The following CENPF variants were observed in gnomAD, a reference collection of about 807,000 sequenced individuals.
CENPF encodes the protein AH antigen.
Under a neutral mutation model 307.3 loss-of-function variants are expected in CENPF, and 214 were observed. The ratio of observed to expected loss-of-function variants is 0.70; its 90% CI spans 0.62 to 0.78. The LOEUF (loss-of-function observed/expected upper bound fraction) is 0.78. Ranked by LOEUF, CENPF falls within the 30% of genes least tolerant of loss-of-function variation. CENPF has a pLI of 0.00. For missense variants in CENPF, 3,401 were observed against 3,483.9 expected, an observed-to-expected ratio of 0.98 and a Z score of 0.60; for synonymous variants, 1,259 against 1,270.6, an observed-to-expected ratio of 0.99 and a Z score of 0.19.
intron 3 of CENPF, among the ~76,000 whole-genome samples, chr1:214,617,251 T>G (rs558397650): frequency 6.6e-6 from 1 of 151,994 alleles, no homozygotes; most frequent in Non-Finnish European, 1.5e-5. Context: ...TTTCGCCAAG[T>G]TGGCCAGGCT....
intron 17 of CENPF, among the ~76,000 whole-genome samples, chr1:214,656,382 A>G (rs1408328343): frequency 1.3e-5 from 2 of 152,172 alleles, no homozygotes; most frequent in East Asian, 3.8e-4. Context: ...TAATACACCC[A>G]TGGCAGCTAC....
At position 214,651,832 on chromosome 1, in the gene CENPF, G is replaced by C. The variant is rs369254043; in HGVS notation, c.8106G>C (p.Arg2702=). 77 of 1,611,230 alleles carry C rather than the reference G, an allele frequency of 4.8e-5. No individual in the cohort carries two copies. Among genetic ancestry groups the C allele is most frequent in the Non-Finnish European group, 6.4e-5 (75 of 1,179,348 alleles). The part of the protein sequence containing the change: ...VREEIAEYQL[R]LHEAEKKHQA... The stretch of plus-strand genomic sequence containing the variant: ...AGGAAATAGCTGAATATCAGCTACG[G>C]CTTCATGAAGCTGAAAAGAAACACC... The change falls in exon 15 of 20, where the codon CGG becomes CGC. Residue 2702 remains arginine (R), a synonymous_variant. Transcript: ENST00000366955.
chr1:214,631,899 C>T lies in CENPF; in HGVS notation c.1324-581C>T, dbSNP rs186417596. On this transcript the variant is annotated intron_variant, in intron 9 of 19. Coordinates refer to ENST00000366955, the MANE Select transcript of CENPF (RefSeq NM_016343.4). ...CAAGAGAGGGCCTGTTTCCTCTCAT[C>T]CTTGCTAATTGGAGGTAGTCTCGGT... is the stretch of plus-strand genomic sequence containing the variant. Among the ~76,000 whole-genome samples, 280 of 152,322 alleles carry T rather than the reference C, an allele frequency of 1.8e-3. 1 individual carries two copies. The highest frequency in any genetic ancestry group is 6.1e-3 in the African/African-American group (252 of 41,580).
At chr1:214,618,006 CG>C (rs1657404960) in intron 3 of CENPF, among the ~76,000 whole-genome samples, 1 of 152,144 alleles carries the variant, frequency 6.6e-6, no homozygotes, top group African/African-American at 2.4e-5. Context: ...TTTTCTTTTC[CG>C]CTGGGAAACT....
Position 214,655,329 on chromosome 1 carries a change from A to T in CENPF, c.8411A>T (p.Gln2804Leu). Residue 2804 changes from glutamine (Q) to leucine (L), a missense_variant, in exon 17 of 20, where the codon CAG becomes CTG. Coordinates refer to ENST00000366955, the MANE Select transcript of CENPF (RefSeq NM_016343.4). The stretch of plus-strand genomic sequence containing the variant: ...AAGTTGTTGATCAAATCCTGTAAAC[A>T]GCTGGAAGAGGAAAAGGAGATACTG... ...KMKLLIKSCK[Q>L]LEEEKEILQK... 6.2e-7 allele frequency: 1 copy of T among 1,610,900 alleles called. No homozygotes were observed. The highest frequency in any genetic ancestry group is 1.7e-5 in the Admixed American group (1 of 59,662).
At chr1:214,608,561 C>T in intron 1 of CENPF, 4 of 1,609,414 alleles carry the variant, frequency 2.5e-6, no homozygotes, top group South Asian at 2.2e-5. Flanking sequence ...TTGCGGCGGG[C>T]GCTCTTGGTG....
Position 214,640,605 on chromosome 1 carries a change from T to G in CENPF, c.2267T>G (p.Leu756Trp). ...IMDKDRCYQD[L>W]HAEYESLRDL... ...GACAAAGACCGGTGTTACCAAGACT[T>G]GCATGCCGAATATGAGAGCCTCAGG... is the stretch of plus-strand genomic sequence containing the variant. Residue 756 changes from leucine to tryptophan, a missense_variant, in exon 12 of 20, where the codon TTG (leucine) becomes TGG (tryptophan). Leu to Trp is a moderately conservative substitution (Grantham distance 61). Transcript: ENST00000366955. 6.2e-7 allele frequency: 1 copy of G among 1,614,100 alleles called. No individual in the cohort carries two copies. Among genetic ancestry groups the G allele is most frequent in the Non-Finnish European group, 8.5e-7 (1 of 1,179,968 alleles).
Position 214,645,983 on chromosome 1 carries a change from T to C in CENPF, c.6413T>C (p.Ile2138Thr), listed in dbSNP as rs1658286076. Residue 2138 changes from isoleucine (I) to threonine (T), a missense_variant, in exon 13 of 20, where the codon ATC becomes ACC. Physicochemically the swap from Ile to Thr is moderately conservative, Grantham distance 89 (BLOSUM62 -1). Coordinates refer to ENST00000366955, the MANE Select transcript of CENPF (RefSeq NM_016343.4). The stretch of plus-strand genomic sequence containing the variant: ...GCCGATGAAAAGAAGCAGCTGCACA[T>C]CGCAGAGAAACTGAAAGAACGCGAG... ...IEADEKKQLH[I>T]AEKLKERERE... The C allele has an allele frequency of 1.2e-5, 20 of 1,614,088 alleles. No homozygotes were observed. Among genetic ancestry groups the C allele is most frequent in the Non-Finnish European group, 1.5e-5 (18 of 1,180,026 alleles).
chr1:214,605,441 GTTT>G, intron 1 of CENPF: 7 of 401,116 alleles, frequency 1.7e-5, no homozygotes, highest in South Asian at 9.5e-5. Context: ...AATCCGCTTT[GTTT>G]TTTTTTTTTT....
At chr1:214,639,845 C>CGG in intron 11 of CENPF, 76 bp from the exon 12 acceptor site, 1 of 915,638 alleles carries the variant, frequency 1.1e-6, no homozygotes, top group Non-Finnish European at 1.5e-6. Flanking sequence ...TGCCAGGGGG[C>CGG]GGGGGGAGGG....
intron 10 of CENPF, among the ~76,000 whole-genome samples, chr1:214,634,145 T>G (rs1249223132): frequency 4.6e-5 from 7 of 152,126 alleles, no homozygotes. Flanking sequence ...TGTACTGAGG[T>G]GCATGCATCA....
At chr1:214,613,649 A>G in intron 1 of CENPF, 65 bp from the exon 2 acceptor site, 9 of 1,212,982 alleles carry the variant, frequency 7.4e-6, no homozygotes, top group Non-Finnish European at 1.0e-5. Flanking sequence ...AGATAGATTC[A>G]TTAATTTCTG....
rs756126833 is a variant in CENPF, at chr1:214,645,880, G to T, written c.6310G>T (p.Ala2104Ser). The change falls in exon 13 of 20, where the codon GCA (alanine) becomes TCA (serine). Residue 2104 changes from alanine (A) to serine (S), a missense_variant. Physicochemically the swap from Ala to Ser is moderately conservative, Grantham distance 99. Coordinates refer to ENST00000366955, the MANE Select transcript of CENPF (RefSeq NM_016343.4). ...CGCACTGGTGGAGAAAGGTGAGTTC[G>T]CATTGAGGCTGAGCTCAACACAGGA... ...EAALVEKGEF[A>S]LRLSSTQEEV... 1.9e-6 allele frequency: 3 copies of T among 1,614,132 alleles called. No homozygotes were observed. Among genetic ancestry groups the T allele is most frequent in the East Asian group, 2.2e-5 (1 of 44,868 alleles).
At chr1:214,605,190 A>T (rs1296020073) in intron 1 of CENPF, among the ~76,000 whole-genome samples, 1 of 152,232 alleles carries the variant, frequency 6.6e-6, no homozygotes. Context: ...GATGTGGCTG[A>T]GAAGGAGGTA....
Position 214,647,201 on chromosome 1 carries a change from T to G in CENPF, c.7631T>G (p.Val2544Gly), listed in dbSNP as rs753952351. 49 of 1,613,914 alleles carry G rather than the reference T, an allele frequency of 3.0e-5. No individual in the cohort carries two copies. Among genetic ancestry groups the G allele is most frequent in the Admixed American group, 6.7e-5 (4 of 59,986 alleles). Residue 2544 changes from valine (V) to glycine (G), a missense_variant, in exon 13 of 20, where the codon GTG becomes GGG. By Grantham distance (109) the Val-to-Gly change is moderately radical (BLOSUM62 -3). Coordinates refer to ENST00000366955, the MANE Select transcript of CENPF (RefSeq NM_016343.4). Reference protein sequence around the residue: ...QEQLVSKLSQVEGEHQLWKEQ... With the variant: ...QEQLVSKLSQGEGEHQLWKEQ... ...CAGCTTGTCTCTAAACTGTCCCAGG[T>G]GGAAGGAGAGCACCAACTTTGGAAG...
At chr1:214,624,024 G>A (rs1013490369) in intron 7 of CENPF, among the ~76,000 whole-genome samples, 4 of 143,184 alleles carry the variant, frequency 2.8e-5, no homozygotes, top group Non-Finnish European at 6.3e-5. Flanking sequence ...TAAGATAATC[G>A]TAGATTCATA....
At chr1:214,621,994 G>C in intron 6 of CENPF, 85 bp from the exon 7 acceptor site, 1 of 1,105,624 alleles carries the variant, frequency 9.0e-7, no homozygotes, top group South Asian at 1.6e-5. Context: ...AAAGATTTCA[G>C]AAAAGAATAA....
chr1:214,645,341 A>G lies in CENPF; in HGVS notation c.5771A>G (p.Asp1924Gly). 6.2e-7 allele frequency: 1 copy of G among 1,614,178 alleles called. No individual in the cohort carries two copies. The highest frequency in any genetic ancestry group is 2.2e-5 in the East Asian group (1 of 44,874). ...IEHEALYLEADLEVVQTEKLC... is the reference protein window; with the variant it reads ...IEHEALYLEAGLEVVQTEKLC... ...CATGAAGCCCTCTACCTGGAGGCTG[A>G]CTTAGAGGTAGTTCAAACAGAGAAG... Residue 1924 changes from aspartate to glycine, a missense_variant, in exon 13 of 20, where the codon GAC becomes GGC. By Grantham distance (94) the Asp-to-Gly change is moderately conservative. Coordinates refer to ENST00000366955, the MANE Select transcript of CENPF (RefSeq NM_016343.4).
intron 7 of CENPF, among the ~76,000 whole-genome samples, chr1:214,624,145 A>G (rs546289113): frequency 6.6e-6 from 1 of 152,100 alleles, no homozygotes; most frequent in African/African-American, 2.4e-5. Flanking sequence ...CTTACAGTGT[A>G]TAATTTAAAA....
Sources: gnomAD v4.1 joint callset for allele counts (sites outside exome capture counted in the v4.1 genomes callset) on GRCh38, gnomAD v4.1.1 for gene constraint, MANE v1.5 for transcripts, NCBI Gene and HGNC (gene_info 2026-07-23, HGNC 2026-07-21) for gene names.